TFEB: variants seen among roughly 807,000 people sequenced by gnomAD.
TFEB encodes transcription factor EB, also known as T-cell transcription factor EB.
TFEB carries 12 observed loss-of-function variants against 48.0 expected under a neutral mutation model. The ratio of observed to expected loss-of-function variants is 0.25; its 90% CI spans 0.16 to 0.40. The LOEUF is 0.40. Among genes scored for constraint, TFEB ranks in the 10% least tolerant of loss-of-function variants. TFEB has a pLI of 1.00. For missense variants in TFEB, 509 were observed against 640.3 expected, an observed-to-expected ratio of 0.79 and a Z score of 2.21; for synonymous variants, 244 against 261.4, an observed-to-expected ratio of 0.93 and a Z score of 0.64.
In TFEB at chr6:41,690,770, C is replaced by T. The variant is rs138679180; in HGVS notation, c.361G>A (p.Ala121Thr). ...TGTCCAGCTCGCACCCCTGGGGAGG[C>T]GGCTGGTGGGGGTTTCGGAGAGCCC... Reference protein sequence around the residue: ...AQGSPKPPPAASPGVRAGHVL... With the variant: ...AQGSPKPPPATSPGVRAGHVL... Residue 121 changes from alanine (A) to threonine (T), a missense_variant, in exon 3 of 9, where the codon GCC (alanine) becomes ACC (threonine). Ala to Thr is a moderately conservative substitution (Grantham distance 58). Around this residue, in one of 4 missense-constraint regions of TFEB, gnomAD observed 251 missense variants for 317.2 expected, o/e 0.79. Coordinates refer to ENST00000373033, the MANE Select transcript of TFEB (RefSeq NM_001271944.2). 8.6e-5 allele frequency: 138 copies of T among 1,610,548 alleles called. No homozygotes were observed. In the African/African-American group the frequency reaches 9.2e-4, roughly 11 times the overall value.
At chr6:41,686,528 T>TTG (rs1769017973) in intron 7 of TFEB, 1 of 290,226 alleles carries the variant, frequency 3.4e-6, no homozygotes, top group African/African-American at 2.4e-5. Flanking sequence ...TTTTTTTTTT[T>TTG]GAGATGGAGT....
intron 8 of TFEB, among the ~76,000 whole-genome samples, chr6:41,685,342 T>TCTAGA (rs1044918917): frequency 6.6e-6 from 1 of 152,230 alleles, no homozygotes; most frequent in African/African-American, 2.4e-5. Context: ...AATTGACTTG[T>TCTAGA]CTAGACTAGA....
intron 1 of TFEB, among the ~76,000 whole-genome samples, chr6:41,698,403 A>G (rs1769722731): frequency 6.6e-6 from 1 of 152,164 alleles, no homozygotes; most frequent in African/African-American, 2.4e-5. Context: ...GATCTCGTTC[A>G]TCCAGCCCAG....
chr6:41,728,491 G>C (rs910327990), intron 1 of TFEB, among the ~76,000 whole-genome samples: 1 of 152,196 alleles, frequency 6.6e-6, no homozygotes, highest in African/African-American at 2.4e-5. Flanking sequence ...GACAAGAGGC[G>C]GCAGGGGGTG....
intron 1 of TFEB, among the ~76,000 whole-genome samples, chr6:41,707,826 C>G (rs1770306676): frequency 6.6e-6 from 1 of 152,230 alleles, no homozygotes; most frequent in African/African-American, 2.4e-5. Context: ...AGGGAGGCTA[C>G]TAGGAGGCTC....
chr6:41,686,590 A>C (rs1370431607), intron 7 of TFEB: 2 of 226,404 alleles, frequency 8.8e-6, no homozygotes, highest in East Asian at 1.9e-4. Context: ...ATCTCGGCTC[A>C]CTGCTACCTC....
rs1430669576 is a variant in TFEB at position 41,724,667 on chromosome 6, G to C, written c.-23+10683C>G. 6.6e-6 allele frequency among the ~76,000 whole-genome samples: 1 copy of C among 152,178 alleles called. No individual in the cohort carries two copies. The highest frequency in any genetic ancestry group is 1.5e-5 in the Non-Finnish European group (1 of 68,018). On this transcript the variant is annotated intron_variant, in intron 1 of 8. Transcript: ENST00000373033. The surrounding 1 kb of genome is among the most constrained non-coding windows in gnomAD (Gnocchi z 4.4). ...CAATGGGGCCTCAGATAAGGAACAT[G>C]ATAAATACCTCTTATCACCCCCACA...
At chr6:41,711,617 G>A (rs1252106392) in intron 1 of TFEB, among the ~76,000 whole-genome samples, 2 of 152,204 alleles carry the variant, frequency 1.3e-5, no homozygotes, top group African/African-American at 2.4e-5. Context: ...GTAGAAGGAG[G>A]GAGCCAGGCT....
At chr6:41,709,787 T>C (rs1390176092) in intron 1 of TFEB, among the ~76,000 whole-genome samples, 2 of 152,218 alleles carry the variant, frequency 1.3e-5, no homozygotes, top group East Asian at 1.9e-4. Context: ...ATTAAATTTA[T>C]TTTTTATTTT....
intron 1 of TFEB, among the ~76,000 whole-genome samples, chr6:41,703,273 G>C (rs1315042898): frequency 6.6e-6 from 1 of 152,192 alleles, no homozygotes; most frequent in Non-Finnish European, 1.5e-5. Flanking sequence ...GCAGCTTCTG[G>C]CTCCTGGTCC....
chr6:41,706,391 C>G (rs542725297), intron 1 of TFEB, among the ~76,000 whole-genome samples: 1 of 152,164 alleles, frequency 6.6e-6, no homozygotes, highest in Non-Finnish European at 1.5e-5. Flanking sequence ...GGGGGCAGGA[C>G]GGGGCAGCCA....
At position 41,724,110 on chromosome 6, in the gene TFEB, G is replaced by A. The variant is rs923869408; in HGVS notation, c.-23+11240C>T. ...ATCAAGCAGAGCCCTGGGCAGCTCC[G>A]GGAAGATCCACACCACCGCACACTT... On this transcript the variant is annotated intron_variant, in intron 1 of 8. Coordinates refer to ENST00000373033, the MANE Select transcript of TFEB (RefSeq NM_001271944.2). The surrounding 1 kb of genome is among the most constrained non-coding windows in gnomAD (Gnocchi z 4.4). Among the ~76,000 whole-genome samples the A allele has an allele frequency of 4.0e-5, 6 of 151,428 alleles. No individual in the cohort carries two copies. The highest frequency in any genetic ancestry group is 2.1e-4 in the South Asian group (1 of 4,790).
intron 1 of TFEB, among the ~76,000 whole-genome samples, chr6:41,727,707 G>C (rs1472934630): frequency 6.6e-6 from 1 of 152,106 alleles, no homozygotes; most frequent in Non-Finnish European, 1.5e-5. Context: ...AAACAAAAAA[G>C]AAGGTTCTGG....
chr6:41,707,315 G>T (rs1323190288), intron 1 of TFEB, among the ~76,000 whole-genome samples: 1 of 152,360 alleles, frequency 6.6e-6, no homozygotes, highest in East Asian at 1.9e-4. Context: ...CCTGCCCACA[G>T]GGTAGGGAAT....
intron 1 of TFEB, among the ~76,000 whole-genome samples, chr6:41,716,564 A>C (rs531134700): frequency 6.6e-6 from 1 of 152,204 alleles, no homozygotes; most frequent in African/African-American, 2.4e-5. Context: ...CACCTACTGC[A>C]TGCCAAGCTT....
At chr6:41,727,113 G>A (rs754118158) in intron 1 of TFEB, among the ~76,000 whole-genome samples, 8 of 152,194 alleles carry the variant, frequency 5.3e-5, no homozygotes, top group Non-Finnish European at 1.0e-4. Flanking sequence ...CCATGGGTAG[G>A]GGGTTGCGTC....
intron 1 of TFEB, among the ~76,000 whole-genome samples, chr6:41,698,943 AT>A (rs1769753357): frequency 6.6e-6 from 1 of 152,220 alleles, no homozygotes; most frequent in African/African-American, 2.4e-5. Flanking sequence ...GGAGGTGGTC[AT>A]GAGTCACTGT....
At position 41,729,396 on chromosome 6, in the gene TFEB, TAAC is replaced by T. The variant is rs531737417; in HGVS notation, c.-23+5951_-23+5953del. On this transcript the variant is annotated intron_variant, in intron 1 of 8. Coordinates refer to ENST00000373033, the MANE Select transcript of TFEB (RefSeq NM_001271944.2). ...TGTGTGTCTGTATCATTTTTATTGTTAACAACAACTACGATTCAAGCTGGAATC... is the reference window on the plus strand; with the variant it reads ...TGTGTGTCTGTATCATTTTTATTGTTAACAACTACGATTCAAGCTGGAATC... Among the ~76,000 whole-genome samples the T allele has an allele frequency of 4.8e-4, 73 of 152,284 alleles. 1 individual carries two copies. The highest frequency in any genetic ancestry group is 1.6e-3 in the African/African-American group (65 of 41,546).
In TFEB at chr6:41,734,791, A is replaced by C; in HGVS notation, c.-23+559T>G. On this transcript the variant is annotated intron_variant, in intron 1 of 8. Transcript: ENST00000373033. This position sits in a 1 kb window ranked among gnomAD's most constrained non-coding sequence, Gnocchi z 4.0. Reference sequence around the variant, plus strand: ...GGACGGGAAGGGAGGGAGAGATGGTACTTCCACCCGCCCCCCCATCAGCCC... The same window carrying C: ...GGACGGGAAGGGAGGGAGAGATGGTCCTTCCACCCGCCCCCCCATCAGCCC... 1.5e-6 allele frequency: 1 copy of C among 686,016 alleles called. No individual in the cohort carries two copies. The highest frequency in any genetic ancestry group is 1.8e-6 in the Non-Finnish European group (1 of 556,322). The allele number at this position is 686,016 out of a possible 1,614,324, so 42.5% of individuals were successfully genotyped here. A position where few individuals can be genotyped will look rare whatever the true frequency, so the allele number is the denominator to read the frequency against.
Sources: gnomAD v4.1 joint callset for allele counts (sites outside exome capture counted in the v4.1 genomes callset) on GRCh38, gnomAD v4.1.1 for gene constraint, gnomAD v4.1.1 regional missense constraint, Gnocchi (gnomAD v3.1) non-coding constraint, MANE v1.5 for transcripts, NCBI Gene and HGNC (gene_info 2026-07-23, HGNC 2026-07-21) for gene names.